Variants in CASQ2 observed in about 807,000 individuals in gnomAD.
CASQ2 encodes calsequestrin-2.
A neutral mutation model predicts 46.5 loss-of-function variants in CASQ2; 49 were observed. That is an observed-to-expected ratio of 1.05 (90% CI 0.84 to 1.34). CASQ2 has a LOEUF of 1.34. Ranked by LOEUF, CASQ2 falls within the 40% of genes most tolerant of loss-of-function variation. The pLI, the probability that CASQ2 is intolerant of heterozygous loss-of-function variation, is 0.00. For missense variants in CASQ2, 486 were observed against 481.3 expected (o/e 1.01, Z -0.09); for synonymous variants, 174 against 168.5 (o/e 1.03, Z -0.25).
chr1:115,724,134 A>G (rs934450465), intron 7 of CASQ2, among the ~76,000 whole-genome samples: 2 of 152,128 alleles, frequency 1.3e-5, no homozygotes, highest in Non-Finnish European at 2.9e-5. Context: ...CCTTGTGGGG[A>G]CATAGTCACT....
intron 1 of CASQ2, among the ~76,000 whole-genome samples, chr1:115,755,099 A>G (rs184870369): frequency 5.1e-4 from 78 of 152,360 alleles, no homozygotes; most frequent in Non-Finnish European, 9.7e-4. Context: ...CAAAATCACA[A>G]TCTTTTATTG....
chr1:115,703,600 T>C (rs562443602), intron 9 of CASQ2, among the ~76,000 whole-genome samples: 6 of 152,222 alleles, frequency 3.9e-5, no homozygotes, highest in African/African-American at 1.4e-4. Context: ...TCTGAAGATT[T>C]CTTCTTTGCA....
intron 8 of CASQ2, among the ~76,000 whole-genome samples, chr1:115,714,476 T>A (rs1476198038): frequency 6.6e-6 from 1 of 152,194 alleles, no homozygotes; most frequent in African/African-American, 2.4e-5. Flanking sequence ...GCACAGTTCC[T>A]CAATACTGTT....
intron 8 of CASQ2, among the ~76,000 whole-genome samples, chr1:115,713,377 C>T (rs1049848335): frequency 6.6e-6 from 1 of 152,200 alleles, no homozygotes; most frequent in Non-Finnish European, 1.5e-5. Flanking sequence ...CCAGCCAGGC[C>T]TGCCTAAGGG....
intron 1 of CASQ2, among the ~76,000 whole-genome samples, chr1:115,763,107 C>T (rs750227204): frequency 7.2e-5 from 11 of 152,116 alleles, no homozygotes; most frequent in Non-Finnish European, 1.3e-4. Flanking sequence ...TCCCCTATTA[C>T]GAAGTTTGAT....
chr1:115,743,005 G>A (rs917301405), intron 2 of CASQ2, among the ~76,000 whole-genome samples: 1 of 151,994 alleles, frequency 6.6e-6, no homozygotes, highest in East Asian at 2.0e-4. Flanking sequence ...AGCCAGGATG[G>A]TCTCGATCTC....
rs397507556 is a variant in CASQ2 at position 115,768,445 on chromosome 1, G to T, written c.97C>A (p.Arg33=). ...TTCTTCTCGGAAAGACTTACCACTC[G>T]GTCCTTCCCATCATATGTGGGGAAA... ...LNFPTYDGKD[R]VVSLSEKNFK... is the part of the protein sequence containing the mutation. The change falls in exon 1 of 11, where the codon CGA becomes AGA. Residue 33 remains arginine, a synonymous_variant. Transcript: ENST00000261448. 8.1e-6 allele frequency: 13 copies of T among 1,612,794 alleles called. No individual in the cohort carries two copies. In the South Asian group the frequency reaches 1.4e-4, roughly 18 times the overall value.
intron 5 of CASQ2, among the ~76,000 whole-genome samples, chr1:115,732,377 T>C (rs987225271): frequency 5.3e-5 from 8 of 152,220 alleles, no homozygotes; most frequent in Non-Finnish European, 8.8e-5. Flanking sequence ...CTGGGCCATG[T>C]CTACAGAAGT....
chr1:115,753,836 T>C (rs1209976689), intron 1 of CASQ2, among the ~76,000 whole-genome samples: 1 of 147,692 alleles, frequency 6.8e-6, no homozygotes, highest in Non-Finnish European at 1.5e-5. Flanking sequence ...AAAAAGGAGG[T>C]GGTTACTTGT....
chr1:115,712,949 C>T (rs529060411), intron 8 of CASQ2, among the ~76,000 whole-genome samples: 5 of 152,050 alleles, frequency 3.3e-5, no homozygotes, highest in African/African-American at 1.2e-4. Context: ...AGTGGTCCTA[C>T]TTGAGACAAT....
chr1:115,729,300 C>G (rs758834545), intron 5 of CASQ2, among the ~76,000 whole-genome samples: 1 of 151,972 alleles, frequency 6.6e-6, no homozygotes, highest in Admixed American at 6.6e-5. Flanking sequence ...TCCACCTCCC[C>G]CCTCGGCCTC....
At chr1:115,704,925 G>A (rs548298902) in intron 9 of CASQ2, among the ~76,000 whole-genome samples, 12 of 152,332 alleles carry the variant, frequency 7.9e-5, no homozygotes, top group African/African-American at 2.4e-4. Flanking sequence ...AGCTGCTGCC[G>A]AAGGAGTTTA....
chr1:115,756,073 T>A (rs1648750538), intron 1 of CASQ2, among the ~76,000 whole-genome samples: 1 of 152,192 alleles, frequency 6.6e-6, no homozygotes, highest in Non-Finnish European at 1.5e-5. Flanking sequence ...AGTAATTGTG[T>A]GTGTTGTATA....
chr1:115,738,268 T>A lies in CASQ2; in HGVS notation c.488A>T (p.Asp163Val), dbSNP rs763380629. ...GAAAAAGCCAATGAGTTTGATGTAG[T>A]CTTCAATGCGTTCGAAGGCTTGGAC... ...LEVQAFERIEDYIKLIGFFKS... is the reference protein window; with the variant it reads ...LEVQAFERIEVYIKLIGFFKS... Residue 163 changes from aspartate to valine, a missense_variant, in exon 4 of 11, where the codon GAC (aspartate) becomes GTC (valine). Physicochemically the swap from Asp to Val is radical, Grantham distance 152 (BLOSUM62 -3). Coordinates refer to ENST00000261448, the MANE Select transcript of CASQ2 (RefSeq NM_001232.4). 1.2e-6 allele frequency: 2 copies of A among 1,613,834 alleles called. No homozygotes were observed. The highest frequency in any genetic ancestry group is 1.7e-6 in the Non-Finnish European group (2 of 1,179,674).
intron 8 of CASQ2, among the ~76,000 whole-genome samples, chr1:115,706,211 C>T (rs917368753): frequency 9.2e-5 from 14 of 151,910 alleles, no homozygotes; most frequent in Non-Finnish European, 1.3e-4. Context: ...TGTGTGCACG[C>T]GTGCATGTGC....
chr1:115,750,937 T>C (rs1011386350), intron 1 of CASQ2, among the ~76,000 whole-genome samples: 2 of 38,268 alleles, frequency 5.2e-5, no homozygotes, highest in Admixed American at 6.7e-4. Flanking sequence ...TGGATCCAAG[T>C]AGATCTCATC....
At chr1:115,710,335 G>T (rs781704889) in intron 8 of CASQ2, among the ~76,000 whole-genome samples, 5 of 152,134 alleles carry the variant, frequency 3.3e-5, no homozygotes, top group Non-Finnish European at 5.9e-5. Flanking sequence ...AAGACCCAAG[G>T]AGAGCAAATG....
intron 4 of CASQ2, among the ~76,000 whole-genome samples, 167 bp from the exon 5 acceptor site, chr1:115,733,141 TC>T (rs1314118453): frequency 1.3e-5 from 2 of 151,764 alleles, no homozygotes; most frequent in African/African-American, 4.8e-5. Flanking sequence ...AGCCCATAGT[TC>T]CCCCCAAGGA....
At chr1:115,758,138 T>C (rs1648824137) in intron 1 of CASQ2, among the ~76,000 whole-genome samples, 1 of 152,236 alleles carries the variant, frequency 6.6e-6, no homozygotes. Context: ...CTCCTTGGCA[T>C]ACTGGAAGGG....
Sources: gnomAD v4.1 joint callset for allele counts (sites outside exome capture counted in the v4.1 genomes callset) on GRCh38, gnomAD v4.1.1 for gene constraint, MANE v1.5 for transcripts, NCBI Gene and HGNC (gene_info 2026-07-23, HGNC 2026-07-21) for gene names.